MARCHF1: variants seen among roughly 807,000 people sequenced by gnomAD.
MARCHF1 encodes the protein membrane associated ring-CH-type finger 1.
A neutral mutation model predicts 54.2 loss-of-function variants in MARCHF1; 40 were observed. The observed-to-expected ratio is 0.74, with a 90% CI of 0.57 to 0.96. MARCHF1 has a LOEUF of 0.96. Ranked by LOEUF, MARCHF1 falls within the 40% of genes least tolerant of loss-of-function variation. MARCHF1 has a pLI of 0.00. For synonymous variants in MARCHF1, 236 were observed against 236.3 expected (o/e 1.00, Z 0.01); for missense variants, 586 against 656.5 (o/e 0.89, Z 1.17).
Position 163,698,484 on chromosome 4 carries a change from C to T in MARCHF1, c.162+2329G>A, listed in dbSNP as rs1195094567. ...CACTGAAATCTGTTTATTCCTATCA[C>T]TGGTTGATGGTTGAGTGTTTGTGGT... On this transcript the variant is annotated intron_variant, in intron 5 of 9. Coordinates refer to ENST00000514618, the MANE Select transcript of MARCHF1 (RefSeq NM_001394959.1). Among the ~76,000 whole-genome samples the T allele has an allele frequency of 2.0e-5, 3 of 152,106 alleles. No individual in the cohort carries two copies. The East Asian group carries it at 5.8e-4, about 29-fold the overall frequency.
At chr4:163,885,684 C>G (rs1015976875) in intron 3 of MARCHF1, among the ~76,000 whole-genome samples, 5 of 151,936 alleles carry the variant, frequency 3.3e-5, no homozygotes, top group African/African-American at 1.2e-4. Flanking sequence ...CTTTACCTCA[C>G]TTTTTTGAGC....
chr4:163,602,643 C>T (rs1483762594), intron 7 of MARCHF1, among the ~76,000 whole-genome samples: 2 of 152,006 alleles, frequency 1.3e-5, no homozygotes, highest in Non-Finnish European at 2.9e-5. Context: ...AAGGCAAAAA[C>T]ATAAGAGAAT....
intron 5 of MARCHF1, among the ~76,000 whole-genome samples, chr4:163,652,111 T>A (rs151221003): frequency 1.3e-3 from 204 of 151,972 alleles, no homozygotes; most frequent in Non-Finnish European, 2.3e-3. Context: ...CCTATTTATC[T>A]TTCAGACACT....
intron 2 of MARCHF1, among the ~76,000 whole-genome samples, chr4:164,046,841 TGGAAAAA>T: frequency 6.6e-6 from 1 of 152,224 alleles, no homozygotes; most frequent in East Asian, 1.9e-4. Context: ...AGAAGTTTCA[TGGAAAAA>T]GGATTACTTC....
intron 4 of MARCHF1, among the ~76,000 whole-genome samples, chr4:163,769,078 C>T (rs1176325859): frequency 1.3e-5 from 2 of 152,062 alleles, no homozygotes; most frequent in South Asian, 2.1e-4. Context: ...CTCTGCTGTG[C>T]TTTTTAAAAA....
chr4:163,748,926 G>C (rs1245126882), intron 4 of MARCHF1, among the ~76,000 whole-genome samples: 1 of 152,232 alleles, frequency 6.6e-6, no homozygotes. Flanking sequence ...TCATCTCTTT[G>C]TAAGGAAATG....
chr4:163,960,863 C>A (rs2110810553), intron 3 of MARCHF1, among the ~76,000 whole-genome samples: 1 of 150,930 alleles, frequency 6.6e-6, no homozygotes, highest in East Asian at 1.9e-4. Context: ...AAATTTATTT[C>A]TCACAATTCT....
chr4:163,713,241 T>C (rs1745160622), intron 4 of MARCHF1, among the ~76,000 whole-genome samples: 1 of 151,976 alleles, frequency 6.6e-6, no homozygotes, highest in Non-Finnish European at 1.5e-5. Context: ...AAACATCAAA[T>C]TTAATCTTTT....
intron 4 of MARCHF1, chr4:163,829,074 G>C (rs534490220): frequency 6.6e-6 from 1 of 152,334 alleles, no homozygotes; most frequent in Admixed American, 6.5e-5. Context: ...TGTCAAGTCA[G>C]GGGGATGATG....
chr4:164,019,556 T>C (rs1753617721), intron 2 of MARCHF1, among the ~76,000 whole-genome samples: 1 of 152,212 alleles, frequency 6.6e-6, no homozygotes, highest in Admixed American at 6.5e-5. Context: ...TTTCAATTTC[T>C]CACTAGAATG....
At chr4:163,866,887 AGACCTTGAGGACAT>A (rs1750063654) in intron 3 of MARCHF1, among the ~76,000 whole-genome samples, 1 of 151,946 alleles carries the variant, frequency 6.6e-6, no homozygotes, top group East Asian at 1.9e-4. Flanking sequence ...AAACTACTAC[AGACCTTGAGGACAT>A]GTTACTCTCC....
chr4:163,829,463 A>G (rs1400874288), intron 4 of MARCHF1, among the ~76,000 whole-genome samples: 3 of 152,164 alleles, frequency 2.0e-5, no homozygotes, highest in African/African-American at 7.2e-5. Flanking sequence ...TCCTATTTTG[A>G]CTTATGCACT....
chr4:163,938,283 A>C (rs1172141811), intron 3 of MARCHF1, among the ~76,000 whole-genome samples: 3 of 152,214 alleles, frequency 2.0e-5, no homozygotes, highest in Non-Finnish European at 4.4e-5. Flanking sequence ...CACAAAAAGC[A>C]AATGTATATC....
chr4:164,051,613 T>C (rs184664840), intron 2 of MARCHF1, among the ~76,000 whole-genome samples: 26 of 152,304 alleles, frequency 1.7e-4, no homozygotes, highest in African/African-American at 6.3e-4. Flanking sequence ...TAATATTTTT[T>C]CCTTACTATA....
rs910264020 is a variant in MARCHF1, at chr4:164,192,488, C to T, written c.-322-80826G>A. On this transcript the variant is annotated intron_variant, in intron 1 of 9. Transcript: ENST00000514618. Reference sequence around the variant, plus strand: ...CAGCAAAGTAAAAAGTTAGTGATCTCTGACCTTCTTGTTTCCATCATTCAA... The same window carrying T: ...CAGCAAAGTAAAAAGTTAGTGATCTTTGACCTTCTTGTTTCCATCATTCAA... Among the ~76,000 whole-genome samples the T allele has an allele frequency of 7.2e-5, 11 of 152,310 alleles. 1 individual carries two copies. Among genetic ancestry groups the T allele is most frequent in the African/African-American group, 2.4e-4 (10 of 41,570 alleles).
At chr4:163,845,742 G>T (rs1749467424) in intron 4 of MARCHF1, among the ~76,000 whole-genome samples, 1 of 152,000 alleles carries the variant, frequency 6.6e-6, no homozygotes, top group Admixed American at 6.6e-5. Context: ...ACTCCGTAGA[G>T]GAAACGATTT....
intron 4 of MARCHF1, among the ~76,000 whole-genome samples, chr4:163,797,333 ATGTGTGTGTGTGTGTGTTTATGTG>A (rs1252784199): frequency 2.0e-5 from 2 of 102,108 alleles, no homozygotes; most frequent in African/African-American, 3.2e-5. Flanking sequence ...TACGGTGTGT[ATGTGTGTGTGTGTGTGTTTATGTG>A]TGTGTGTGTG....
chr4:164,232,162 A>G (rs1732429755), intron 1 of MARCHF1, among the ~76,000 whole-genome samples: 2 of 152,146 alleles, frequency 1.3e-5, no homozygotes, highest in African/African-American at 4.8e-5. Flanking sequence ...TTAATCAAGC[A>G]ACATCATTTT....
intron 6 of MARCHF1, 29 bp downstream of exon 6, chr4:163,613,285 T>C: frequency 6.4e-7 from 1 of 1,573,986 alleles, no homozygotes; most frequent in Admixed American, 1.9e-5. Context: ...CCAAAGAATA[T>C]AGATTAAGAT....
Sources: gnomAD v4.1 joint callset for allele counts (sites outside exome capture counted in the v4.1 genomes callset) on GRCh38, gnomAD v4.1.1 for gene constraint, MANE v1.5 for transcripts, NCBI Gene and HGNC (gene_info 2026-07-23, HGNC 2026-07-21) for gene names.